Variants in GRIA1 observed in about 807,000 individuals in gnomAD.
The protein encoded by GRIA1 is glutamate receptor 1.
Under a neutral mutation model 99.2 loss-of-function variants are expected in GRIA1, and 31 were observed. The observed-to-expected ratio is 0.31, with a 90% CI of 0.23 to 0.42. The LOEUF is 0.42. Ranked by LOEUF, GRIA1 falls within the 10% of genes least tolerant of loss-of-function variation. The pLI, the probability that GRIA1 is intolerant of heterozygous loss-of-function variation, is 1.00. For synonymous variants in GRIA1, 438 were observed against 432.4 expected (o/e 1.01, Z -0.16); for missense variants, 782 against 1,157.5 (o/e 0.68, Z 4.71).
At chr5:153,526,718 G>A (rs1195748493) in intron 2 of GRIA1, among the ~76,000 whole-genome samples, 1 of 152,188 alleles carries the variant, frequency 6.6e-6, no homozygotes, top group Non-Finnish European at 1.5e-5. Context: ...TCTGCAGGAG[G>A]CAGATCCTAT....
intron 2 of GRIA1, among the ~76,000 whole-genome samples, chr5:153,520,644 G>C (rs1757053190): frequency 6.6e-6 from 1 of 152,096 alleles, no homozygotes. Flanking sequence ...TCTAGTGCTA[G>C]AGGCTCCATA....
chr5:153,731,196 TTCTC>T (rs956495655), intron 11 of GRIA1, among the ~76,000 whole-genome samples: 1 of 151,380 alleles, frequency 6.6e-6, no homozygotes, highest in East Asian at 1.9e-4. Flanking sequence ...TCTCTCTTCT[TTCTC>T]TCTCTCTCTT....
intron 2 of GRIA1, among the ~76,000 whole-genome samples, chr5:153,540,659 T>C (rs1450800960): frequency 2.0e-5 from 3 of 152,030 alleles, no homozygotes; most frequent in African/African-American, 7.2e-5. Context: ...TCTTTTCTCA[T>C]GAAATTTAAG....
chr5:153,627,969 A>T (rs1767797201), intron 2 of GRIA1, among the ~76,000 whole-genome samples: 1 of 152,036 alleles, frequency 6.6e-6, no homozygotes, highest in Non-Finnish European at 1.5e-5. Context: ...GACTCACTGG[A>T]TAAGATGGGA....
intron 7 of GRIA1, among the ~76,000 whole-genome samples, chr5:153,677,452 C>T (rs749584095): frequency 2.6e-5 from 4 of 152,148 alleles, no homozygotes; most frequent in Non-Finnish European, 5.9e-5. Flanking sequence ...ACTTGAAATA[C>T]ACAAGGATGA....
intron 2 of GRIA1, among the ~76,000 whole-genome samples, chr5:153,626,347 G>A (rs1441842292): frequency 1.3e-5 from 2 of 152,038 alleles, no homozygotes; most frequent in Non-Finnish European, 2.9e-5. Flanking sequence ...GTTCCCACCT[G>A]AAGTCTTGTT....
chr5:153,675,249 G>A (rs966189858), intron 6 of GRIA1, among the ~76,000 whole-genome samples: 5 of 152,182 alleles, frequency 3.3e-5, no homozygotes, highest in Non-Finnish European at 7.4e-5. Context: ...TCATTTCATT[G>A]TAGATTGAGC....
chr5:153,790,994 A>G (rs1407940778), intron 13 of GRIA1, among the ~76,000 whole-genome samples: 1 of 152,158 alleles, frequency 6.6e-6, no homozygotes, highest in Admixed American at 6.5e-5. Context: ...CCTTTTCTGG[A>G]TAACTCTATC....
chr5:153,618,676 C>A (rs548939198), intron 2 of GRIA1, among the ~76,000 whole-genome samples: 1 of 152,142 alleles, frequency 6.6e-6, no homozygotes, highest in African/African-American at 2.4e-5. Flanking sequence ...TTATAATATG[C>A]ACAAATGCTC....
At chr5:153,561,575 C>T (rs1761129023) in intron 2 of GRIA1, among the ~76,000 whole-genome samples, 1 of 152,112 alleles carries the variant, frequency 6.6e-6, no homozygotes, top group African/African-American at 2.4e-5. Context: ...AAGTTTATTA[C>T]TTAACTGTAT....
intron 4 of GRIA1, among the ~76,000 whole-genome samples, chr5:153,654,129 T>C (rs1299261564): frequency 6.6e-6 from 1 of 152,222 alleles, no homozygotes; most frequent in Non-Finnish European, 1.5e-5. Context: ...GCAAGCACCA[T>C]GCTTCTTTCA....
At chr5:153,693,221 G>T (rs1164294574) in intron 8 of GRIA1, among the ~76,000 whole-genome samples, 1 of 152,038 alleles carries the variant, frequency 6.6e-6, no homozygotes, top group African/African-American at 2.4e-5. Flanking sequence ...GGAGATTTTT[G>T]GGGCATCAGC....
intron 11 of GRIA1, among the ~76,000 whole-genome samples, chr5:153,754,869 A>G (rs1762725556): frequency 1.3e-5 from 2 of 152,222 alleles, no homozygotes; most frequent in Admixed American, 1.3e-4. Context: ...CATGGAGCTT[A>G]TGGTGTAAGG....
At chr5:153,785,472 G>A (rs974113456) in intron 13 of GRIA1, among the ~76,000 whole-genome samples, 2 of 151,896 alleles carry the variant, frequency 1.3e-5, no homozygotes, top group African/African-American at 4.8e-5. Flanking sequence ...ATATTGCCAG[G>A]AAAAGACAAA....
chr5:153,748,874 T>C (rs374069715), intron 11 of GRIA1, among the ~76,000 whole-genome samples: 13 of 152,254 alleles, frequency 8.5e-5, no homozygotes, highest in East Asian at 7.7e-4. Context: ...AGGTCTAAGG[T>C]ACCAAGTAGG....
chr5:153,570,281 A>T (rs1762002182), intron 2 of GRIA1, among the ~76,000 whole-genome samples: 1 of 152,110 alleles, frequency 6.6e-6, no homozygotes, highest in Non-Finnish European at 1.5e-5. Flanking sequence ...TGGGAGAGAA[A>T]TAATAAACCT....
intron 3 of GRIA1, 91 bp from the exon 4 acceptor site, chr5:153,650,239 G>A (rs1754455721): frequency 1.8e-6 from 2 of 1,094,820 alleles, no homozygotes; most frequent in Admixed American, 2.2e-5. Flanking sequence ...GGGTTTGGGG[G>A]TAGCCAGGGG....
chr5:153,759,601 C>T (rs1763047458), intron 11 of GRIA1, among the ~76,000 whole-genome samples: 1 of 151,984 alleles, frequency 6.6e-6, no homozygotes, highest in African/African-American at 2.4e-5. Context: ...CTGACGGCTT[C>T]ACTGCCAAAT....
At chr5:153,628,533 G>A (rs1045708683) in intron 2 of GRIA1, among the ~76,000 whole-genome samples, 2 of 152,176 alleles carry the variant, frequency 1.3e-5, no homozygotes, top group African/African-American at 4.8e-5. Context: ...AGTTTTTATT[G>A]TCTGTGCTAT....
Sources: allele counts gnomAD v4.1 joint callset (sites outside exome capture counted in the v4.1 genomes callset), GRCh38; gene constraint gnomAD v4.1.1; transcripts MANE v1.5; gene names NCBI Gene and HGNC (gene_info 2026-07-23, HGNC 2026-07-21).